The following GUCY1A2 variants were observed in gnomAD, a reference collection of about 807,000 sequenced individuals.
GUCY1A2 encodes the protein guanylate cyclase 1 soluble subunit alpha 2.
GUCY1A2 carries 27 observed loss-of-function variants against 63.5 expected under a neutral mutation model. The ratio of observed to expected loss-of-function variants is 0.43; its 90% CI spans 0.31 to 0.59. GUCY1A2 has a LOEUF of 0.59. Among genes scored for constraint, GUCY1A2 ranks in the 20% least tolerant of loss-of-function variants. The pLI, the probability that GUCY1A2 is intolerant of heterozygous loss-of-function variation, is 0.11. For missense variants in GUCY1A2, 768 were observed against 913.3 expected (o/e 0.84, Z 2.05); for synonymous variants, 364 against 343.5 (o/e 1.06, Z -0.66).
chr11:106,876,781 C>A (rs956735902), intron 4 of GUCY1A2, among the ~76,000 whole-genome samples: 1 of 152,072 alleles, frequency 6.6e-6, no homozygotes, highest in African/African-American at 2.4e-5. Flanking sequence ...CGGCTATACA[C>A]TCCATGCTTA....
At chr11:106,872,203 T>C (rs1859688921) in intron 4 of GUCY1A2, among the ~76,000 whole-genome samples, 1 of 152,150 alleles carries the variant, frequency 6.6e-6, no homozygotes, top group African/African-American at 2.4e-5. Flanking sequence ...ATAGGAATCA[T>C]CTGCACGATT....
At chr11:106,909,046 G>A (rs889496712) in intron 4 of GUCY1A2, among the ~76,000 whole-genome samples, 36 of 151,822 alleles carry the variant, frequency 2.4e-4, no homozygotes, top group African/African-American at 6.8e-4. Context: ...GGAATAGTGC[G>A]GAATGAATGA....
At chr11:106,737,698 T>G (rs1863615948) in intron 6 of GUCY1A2, among the ~76,000 whole-genome samples, 1 of 152,298 alleles carries the variant, frequency 6.6e-6, no homozygotes, top group East Asian at 1.9e-4. Context: ...GGTTTCCAGC[T>G]TCATCCATGT....
At chr11:106,765,064 A>G (rs1423857064) in intron 6 of GUCY1A2, among the ~76,000 whole-genome samples, 1 of 151,454 alleles carries the variant, frequency 6.6e-6, no homozygotes, top group African/African-American at 2.4e-5. Context: ...TTTCCTCTAT[A>G]ATCTTGTACA....
At chr11:106,944,739 C>T (rs1860803107) in intron 3 of GUCY1A2, among the ~76,000 whole-genome samples, 2 of 152,072 alleles carry the variant, frequency 1.3e-5, no homozygotes, top group South Asian at 4.2e-4. Context: ...GAAGCCAACC[C>T]CCATGTGAGT....
chr11:106,733,370 T>C lies in GUCY1A2; in HGVS notation c.1837-24704A>G, dbSNP rs542155353. On this transcript the variant is annotated intron_variant, in intron 6 of 7. Coordinates refer to ENST00000526355, the MANE Select transcript of GUCY1A2 (RefSeq NM_000855.3). ...GAATATGCTAACAATGTTTAATGAA[T>C]ATTACTGCCAATAATATGTTGGTAC... is the stretch of plus-strand genomic sequence containing the variant. Among the ~76,000 whole-genome samples the C allele has an allele frequency of 6.6e-5, 10 of 152,292 alleles. 1 individual carries two copies. Among genetic ancestry groups the C allele is most frequent in the African/African-American group, 2.4e-4 (10 of 41,554 alleles).
At chr11:106,898,463 G>C (rs1336939591) in intron 4 of GUCY1A2, among the ~76,000 whole-genome samples, 1 of 152,142 alleles carries the variant, frequency 6.6e-6, no homozygotes, top group Non-Finnish European at 1.5e-5. Flanking sequence ...TTCTATAGGT[G>C]AGTAAATACA....
At position 106,937,010 on chromosome 11, in the gene GUCY1A2, A is replaced by G. The variant is rs1413193473; in HGVS notation, c.1206+2450T>C. 2.0e-5 allele frequency among the ~76,000 whole-genome samples: 3 copies of G among 152,234 alleles called. No homozygotes were observed. In the East Asian group the frequency reaches 5.8e-4, roughly 29 times the overall value. ...TTCTTTCCATGTTTTAATAAACTGT[A>G]AATGTGAAATTTGATGACTTACTAA... On this transcript the variant is annotated intron_variant, in intron 4 of 7. Transcript: ENST00000526355.
intron 6 of GUCY1A2, among the ~76,000 whole-genome samples, chr11:106,758,764 TAAAC>T (rs1264788174): frequency 6.6e-6 from 1 of 152,138 alleles, no homozygotes; most frequent in Admixed American, 6.5e-5. Context: ...TTTTTGATCA[TAAAC>T]AAAGCAGCAG....
chr11:106,679,145 A>C lies in GUCY1A2; in HGVS notation c.*8404T>G, dbSNP rs1862392239. The C allele has an allele frequency of 5.4e-6, 1 of 185,804 alleles. No individual in the cohort carries two copies. The highest frequency in any genetic ancestry group is 2.3e-5 in the African/African-American group (1 of 42,660). The allele number at this position is 185,804 out of a possible 1,614,324, so 11.5% of individuals were successfully genotyped here. On this transcript the variant is annotated 3_prime_UTR_variant, in exon 8 of 8. Coordinates refer to ENST00000526355, the MANE Select transcript of GUCY1A2 (RefSeq NM_000855.3). ...TTTTCTAACTGATAATTTTGATTAA[A>C]AATTGCTCAGGTTTGTTCCCTCCTT...
intron 7 of GUCY1A2, among the ~76,000 whole-genome samples, chr11:106,700,830 C>T (rs1414805446): frequency 6.6e-6 from 1 of 151,566 alleles, no homozygotes; most frequent in Non-Finnish European, 1.5e-5. Flanking sequence ...AGAAAAACTA[C>T]TAGATAAGAA....
At chr11:106,710,437 G>A (rs1190208255) in intron 6 of GUCY1A2, among the ~76,000 whole-genome samples, 1 of 140,572 alleles carries the variant, frequency 7.1e-6, no homozygotes, top group African/African-American at 2.6e-5. Context: ...TTTCTTTACT[G>A]CTGAATATTC....
Position 106,950,642 on chromosome 11 carries a change from T to C in GUCY1A2, c.488-10464A>G, listed in dbSNP as rs71488234. 5.5e-3 allele frequency among the ~76,000 whole-genome samples: 836 copies of C among 152,308 alleles called. 5 individuals are homozygous for C. The highest frequency in any genetic ancestry group is 9.3e-3 in the Non-Finnish European group (633 of 68,026). ...CATAGATTCTGGCTTTTGCTGATGA[T>C]GACTAGCCCTGTTCAAATTGGCGGC... On this transcript the variant is annotated intron_variant, in intron 3 of 7. Transcript: ENST00000526355.
intron 1 of GUCY1A2, among the ~76,000 whole-genome samples, chr11:107,002,704 T>A (rs913252924): frequency 6.6e-6 from 1 of 152,224 alleles, no homozygotes; most frequent in African/African-American, 2.4e-5. Context: ...TGACATTTCA[T>A]ACCTGATTTG....
intron 4 of GUCY1A2, chr11:106,827,295 T>A (rs1858984892): frequency 6.4e-7 from 1 of 1,556,282 alleles, no homozygotes; most frequent in Non-Finnish European, 8.9e-7. Flanking sequence ...CCTCTGATTT[T>A]TCAGCAATGA....
chr11:106,836,628 T>TA (rs1277871834), intron 4 of GUCY1A2, among the ~76,000 whole-genome samples: 1 of 151,990 alleles, frequency 6.6e-6, no homozygotes, highest in Non-Finnish European at 1.5e-5. Flanking sequence ...CTAAACACTG[T>TA]AAAAAATACA....
At chr11:106,961,321 A>G (rs1370270641) in intron 3 of GUCY1A2, among the ~76,000 whole-genome samples, 1 of 152,060 alleles carries the variant, frequency 6.6e-6, no homozygotes, top group East Asian at 1.9e-4. Flanking sequence ...ACAGCACCAG[A>G]GACTTAGTTT....
chr11:106,830,757 C>T (rs7937052), intron 4 of GUCY1A2, among the ~76,000 whole-genome samples: 1 of 152,172 alleles, frequency 6.6e-6, no homozygotes, highest in South Asian at 2.1e-4. Context: ...CTCCTTTATA[C>T]ATTTATCCTA....
intron 3 of GUCY1A2, among the ~76,000 whole-genome samples, chr11:106,976,950 A>G (rs1273408852): frequency 6.6e-6 from 1 of 152,158 alleles, no homozygotes; most frequent in East Asian, 1.9e-4. Flanking sequence ...AAATTGACCC[A>G]GGGTTTCTCT....
Sources: allele counts gnomAD v4.1 joint callset (sites outside exome capture counted in the v4.1 genomes callset), GRCh38; gene constraint gnomAD v4.1.1; transcripts MANE v1.5; gene names NCBI Gene and HGNC (gene_info 2026-07-23, HGNC 2026-07-21).